The following CNN3 variants were observed in gnomAD, a reference collection of about 807,000 sequenced individuals.
CNN3 encodes calponin 3, also known as calponin-3.
In CNN3, 11 loss-of-function variants were observed where a neutral mutation model predicts 39.0. The ratio of observed to expected loss-of-function variants is 0.28; its 90% CI spans 0.18 to 0.47. CNN3 has a LOEUF of 0.47. Among genes scored for constraint, CNN3 ranks in the 20% least tolerant of loss-of-function variants. The pLI is 0.99. For synonymous variants in CNN3, 101 were observed against 138.3 expected (o/e 0.73, Z 1.89); for missense variants, 266 against 403.4 (o/e 0.66, Z 2.92).
At chr1:94,900,661 G>A (rs1249207558) in intron 5 of CNN3, among the ~76,000 whole-genome samples, 4 of 152,158 alleles carry the variant, frequency 2.6e-5, no homozygotes, top group South Asian at 2.1e-4. Context: ...TCAGTAGAAA[G>A]GGGCACTGTA....
rs1670874797 is a variant in CNN3, at chr1:94,901,750, A to G, written c.420T>C (p.Ile140=). The part of the protein sequence containing the change: ...KTKGFHTTID[I]GVKYAEKQTR... ...TTTGTTTTTCTGCATACTTAACTCC[A>G]ATGTCAATGGTTGTATGGAATCCTT... is the stretch of plus-strand genomic sequence containing the variant. The change falls in exon 5 of 7, where the codon ATT becomes ATC. Residue 140 remains isoleucine, a synonymous_variant. Coordinates refer to ENST00000370206, the MANE Select transcript of CNN3 (RefSeq NM_001839.5). The G allele has an allele frequency of 6.2e-7, 1 of 1,613,846 alleles. No homozygotes were observed. The highest frequency in any genetic ancestry group is 1.1e-5 in the South Asian group (1 of 91,066).
intron 1 of CNN3, chr1:94,925,920 GAGGA>G (rs950545682): frequency 2.1e-5 from 14 of 661,092 alleles, no homozygotes; most frequent in Non-Finnish European, 1.9e-5. Flanking sequence ...TGCAGGGAGG[GAGGA>G]AGGAAGGAGA....
chr1:94,921,586 A>G (rs77548204), intron 1 of CNN3, among the ~76,000 whole-genome samples: 4,845 of 151,958 alleles, frequency 0.032, 229 homozygotes, highest in African/African-American at 0.11. Context: ...TCATGTCCCA[A>G]CCTGGAAGGG....
chr1:94,902,129 C>T lies in CNN3; in HGVS notation c.376G>A (p.Ala126Thr). 2 of 1,612,766 alleles carry T rather than the reference C, an allele frequency of 1.2e-6. No individual in the cohort carries two copies. Among genetic ancestry groups the T allele is most frequent in the South Asian group, 1.1e-5 (1 of 91,044 alleles). Reference sequence around the variant, plus strand: ...TAAAGACATGTACGTACCAGACCTGCTAGAGCCACCAGAGTAGTCTGAACC... The same window carrying T: ...TAAAGACATGTACGTACCAGACCTGTTAGAGCCACCAGAGTAGTCTGAACC... ...TQVQTTLVALAGLAKTKGFHT... is the reference protein window; with the variant it reads ...TQVQTTLVALTGLAKTKGFHT... The change falls in exon 4 of 7, where the codon GCA (alanine) becomes ACA (threonine). Residue 126 changes from alanine to threonine, a missense_variant. Coordinates refer to ENST00000370206, the MANE Select transcript of CNN3 (RefSeq NM_001839.5).
intron 1 of CNN3, among the ~76,000 whole-genome samples, chr1:94,907,083 G>T (rs1037794650): frequency 2.0e-5 from 3 of 152,286 alleles, no homozygotes; most frequent in East Asian, 1.9e-4. Flanking sequence ...GTGGTTGTGG[G>T]GGGGAGCTCT....
At position 94,915,900 on chromosome 1, in the gene CNN3, G is replaced by A. The variant is rs911185348; in HGVS notation, c.57+10938C>T. Reference sequence around the variant, plus strand: ...GAGGACTTCTCCACATCAGTGCTGCGTTTTCATGGTCCTCTTCCCTTCCCC... The same window carrying A: ...GAGGACTTCTCCACATCAGTGCTGCATTTTCATGGTCCTCTTCCCTTCCCC... On this transcript the variant is annotated intron_variant, in intron 1 of 6. Transcript: ENST00000370206. Among the ~76,000 whole-genome samples the A allele has an allele frequency of 2.0e-5, 3 of 152,120 alleles. No homozygotes were observed. The East Asian group carries it at 5.8e-4, about 29-fold the overall frequency.
chr1:94,916,120 T>C (rs986353615), intron 1 of CNN3, among the ~76,000 whole-genome samples: 1 of 152,198 alleles, frequency 6.6e-6, no homozygotes, highest in Non-Finnish European at 1.5e-5. Flanking sequence ...ATTTATTTCA[T>C]GCCAAGCCTG....
In CNN3 at chr1:94,926,151, G is replaced by GT. The variant is rs898773016; in HGVS notation, c.57+686dup. The stretch of plus-strand genomic sequence containing the variant: ...TCTAATGTACTTCAAACTTCTCAGT[G>GT]TTTCATAAAAAGTCTCAAGCCTAAG... On this transcript the variant is annotated intron_variant, in intron 1 of 6. Coordinates refer to ENST00000370206, the MANE Select transcript of CNN3 (RefSeq NM_001839.5). This position sits in a 1 kb window ranked among gnomAD's most constrained non-coding sequence, Gnocchi z 4.2. Among the ~76,000 whole-genome samples, 3 of 152,214 alleles carry GT rather than the reference G, an allele frequency of 2.0e-5. No individual in the cohort carries two copies. The highest frequency in any genetic ancestry group is 7.2e-5 in the African/African-American group (3 of 41,446).
intron 1 of CNN3, among the ~76,000 whole-genome samples, chr1:94,908,010 C>A (rs1671054448): frequency 6.6e-6 from 1 of 152,192 alleles, no homozygotes; most frequent in African/African-American, 2.4e-5. Flanking sequence ...CACAGCAGCC[C>A]CTCTCTTTAT....
At chr1:94,918,830 T>C (rs569589952) in intron 1 of CNN3, among the ~76,000 whole-genome samples, 5 of 150,716 alleles carry the variant, frequency 3.3e-5, no homozygotes, top group African/African-American at 4.9e-5. Flanking sequence ...GGAGGTAGAG[T>C]TGCAGTGAGC....
rs1425294754 is a variant in CNN3 at position 94,926,690 on chromosome 1, G to A, written c.57+148C>T. 2.2e-6 allele frequency: 2 copies of A among 889,498 alleles called. No individual in the cohort carries two copies. Among genetic ancestry groups the A allele is most frequent in the East Asian group, 5.7e-5 (2 of 34,830 alleles). 55.1% of individuals were successfully genotyped at this position (889,498 alleles called of 1,614,324 possible). ...CAAGCCCGGGGACTGGACGCGACCGGGACAGGCAGAGACGCTCGCGCCGCC... is the reference window on the plus strand; with the variant it reads ...CAAGCCCGGGGACTGGACGCGACCGAGACAGGCAGAGACGCTCGCGCCGCC... On this transcript the variant is annotated intron_variant, in intron 1 of 6. Coordinates refer to ENST00000370206, the MANE Select transcript of CNN3 (RefSeq NM_001839.5). This position sits in a 1 kb window ranked among gnomAD's most constrained non-coding sequence, Gnocchi z 4.2.
intron 6 of CNN3, 128 bp downstream of exon 6, chr1:94,899,243 C>T: frequency 5.9e-6 from 6 of 1,011,324 alleles, no homozygotes; most frequent in Non-Finnish European, 8.1e-6. Context: ...TTTGCTTTCC[C>T]AGCAAAGTCC....
chr1:94,909,844 G>A (rs1418212522), intron 1 of CNN3, among the ~76,000 whole-genome samples: 1 of 147,864 alleles, frequency 6.8e-6, no homozygotes, highest in Non-Finnish European at 1.5e-5. Context: ...TACGCCGAGA[G>A]CATTCAGCTC....
chr1:94,904,045 A>T (rs1161100347), intron 1 of CNN3, among the ~76,000 whole-genome samples: 1 of 152,054 alleles, frequency 6.6e-6, no homozygotes, highest in African/African-American at 2.4e-5. Flanking sequence ...ACACACACAC[A>T]CTTTCCTCAG....
intron 1 of CNN3, among the ~76,000 whole-genome samples, chr1:94,922,760 TC>T (rs1329692415): frequency 6.6e-6 from 1 of 152,222 alleles, no homozygotes; most frequent in Non-Finnish European, 1.5e-5. Context: ...TAGGAGGACT[TC>T]GCGGACACTG....
chr1:94,913,797 G>C (rs1169995204), intron 1 of CNN3, among the ~76,000 whole-genome samples: 1 of 152,164 alleles, frequency 6.6e-6, no homozygotes, highest in South Asian at 2.1e-4. Context: ...GGACAGGCCA[G>C]GGAAATATAT....
Position 94,901,708 on chromosome 1 carries a change from TTCA to T in CNN3, c.459_461del (p.Asp153del). The T allele has an allele frequency of 6.2e-7, 1 of 1,614,108 alleles. No homozygotes were observed. The highest frequency in any genetic ancestry group is 8.5e-7 in the Non-Finnish European group (1 of 1,179,976). On this transcript the variant is annotated inframe_deletion, in exon 5 of 7. Transcript: ENST00000370206. The stretch of plus-strand genomic sequence containing the variant: ...CACTTTGGCCAGCTTTTAATTTTCC[TTCA>T]TCAAAACGTCTTGTTTGTTTTTCTG...
intron 1 of CNN3, among the ~76,000 whole-genome samples, chr1:94,919,370 G>A (rs1052177609): frequency 6.6e-6 from 1 of 152,204 alleles, no homozygotes; most frequent in Non-Finnish European, 1.5e-5. Flanking sequence ...CACTCAATTA[G>A]AAGCAGAATA....
chr1:94,902,320 A>G, intron 3 of CNN3, 62 bp from the exon 4 acceptor site: 1 of 1,477,244 alleles, frequency 6.8e-7, no homozygotes, highest in Non-Finnish European at 9.2e-7. Flanking sequence ...AATTTCTAAG[A>G]ATTCCAAGTC....
Sources: allele counts gnomAD v4.1 joint callset (sites outside exome capture counted in the v4.1 genomes callset), GRCh38; gene constraint gnomAD v4.1.1; non-coding constraint Gnocchi (gnomAD v3.1); transcripts MANE v1.5; gene names NCBI Gene and HGNC (gene_info 2026-07-23, HGNC 2026-07-21).